The following MSI2 variants were observed in gnomAD, a reference collection of about 807,000 sequenced individuals.
MSI2 encodes the protein musashi RNA binding protein 2.
A neutral mutation model predicts 45.6 loss-of-function variants in MSI2; 17 were observed. The observed-to-expected ratio is 0.37, with a 90% CI of 0.26 to 0.56. The LOEUF (loss-of-function observed/expected upper bound fraction) is 0.56. MSI2 is among the 20% of genes least tolerant of loss of function. The pLI, the probability that MSI2 is intolerant of heterozygous loss-of-function variation, is 0.77. For synonymous variants in MSI2, 156 were observed against 158.2 expected (o/e 0.99, Z 0.11); for missense variants, 293 against 444.2 (o/e 0.66, Z 3.06).
chr17:57,506,214 C>T (rs964898275), intron 6 of MSI2, among the ~76,000 whole-genome samples: 2 of 152,222 alleles, frequency 1.3e-5, no homozygotes, highest in African/African-American at 2.4e-5. Context: ...ATCAGGGTTT[C>T]CCTGCTCCGG....
At chr17:57,515,693 C>T (rs2086457164) in intron 6 of MSI2, among the ~76,000 whole-genome samples, 1 of 152,114 alleles carries the variant, frequency 6.6e-6, no homozygotes, top group African/African-American at 2.4e-5. Context: ...TTCATGTATT[C>T]ATGTGACAGA....
chr17:57,291,399 G>A (rs555865626), intron 5 of MSI2, among the ~76,000 whole-genome samples: 1 of 152,054 alleles, frequency 6.6e-6, no homozygotes, highest in South Asian at 2.1e-4. Flanking sequence ...CAATAATACC[G>A]AGCAATAAAT....
chr17:57,279,925 G>A (rs1909265708), intron 5 of MSI2: 1 of 152,120 alleles, frequency 6.6e-6, no homozygotes, highest in South Asian at 2.1e-4. Context: ...GGGACTACAG[G>A]CGTGAGCCAC....
At chr17:57,478,569 A>G (rs148292841) in intron 6 of MSI2, among the ~76,000 whole-genome samples, 1 of 152,292 alleles carries the variant, frequency 6.6e-6, no homozygotes, top group Non-Finnish European at 1.5e-5. Context: ...TGACGTCTCC[A>G]TGTTACATCC....
At chr17:57,609,023 G>A (rs551835989) in intron 8 of MSI2, among the ~76,000 whole-genome samples, 64 of 152,298 alleles carry the variant, frequency 4.2e-4, no homozygotes, top group African/African-American at 1.5e-3. Flanking sequence ...TGGAGGCCAA[G>A]CTCACCCCTC....
intron 6 of MSI2, among the ~76,000 whole-genome samples, chr17:57,521,973 TCTTATTTCAATAAA>T (rs1417596793): frequency 2.0e-5 from 3 of 152,302 alleles, no homozygotes; most frequent in Non-Finnish European, 4.4e-5. Flanking sequence ...CACGGAAAAG[TCTTATTTCAATAAA>T]CTACACATTA....
intron 10 of MSI2, among the ~76,000 whole-genome samples, chr17:57,648,132 C>CGTGTGTGTGTGTGTGTGTGTGT (rs765039915): frequency 1.7e-5 from 2 of 116,182 alleles, no homozygotes; most frequent in Non-Finnish European, 3.6e-5. Flanking sequence ...CTGGCTAATT[C>CGTGTGTGTGTGTGTGTGTGTGT]GTGTGTGTGT....
intron 5 of MSI2, among the ~76,000 whole-genome samples, chr17:57,312,650 G>GT: frequency 6.6e-6 from 1 of 152,248 alleles, no homozygotes. Context: ...CCTGGGCTGT[G>GT]TTTTTTTACA....
chr17:57,529,779 C>A lies in MSI2; in HGVS notation c.454+55C>A. The A allele has an allele frequency of 1.4e-6, 2 of 1,435,398 alleles. No individual in the cohort carries two copies. Among genetic ancestry groups the A allele is most frequent in the Non-Finnish European group, 1.9e-6 (2 of 1,033,922 alleles). The allele number at this position is 1,435,398 out of a possible 1,614,324, so 88.9% of individuals were successfully genotyped here. ...GTTCACCCTCTCCTGGCCTCTCTGT[C>A]TGTCATCCCCAGTCCCACTGACAAA... On this transcript the variant is annotated intron_variant, in intron 7 of 13. Transcript: ENST00000284073. This position sits in a 1 kb window ranked among gnomAD's most constrained non-coding sequence, Gnocchi z 5.3.
chr17:57,685,036 C>T (rs933907242), downstream of MSI2, among the ~76,000 whole-genome samples: 11 of 152,128 alleles, frequency 7.2e-5, no homozygotes, highest in Non-Finnish European at 1.0e-4. Flanking sequence ...GGGGCCCTCC[C>T]GGGTGCTGCC....
chr17:57,664,284 C>T (rs1239643243), intron 11 of MSI2, among the ~76,000 whole-genome samples: 2 of 152,140 alleles, frequency 1.3e-5, no homozygotes, highest in Non-Finnish European at 2.9e-5. Context: ...TTTGGGAGGC[C>T]GAGGCGGCTG....
intron 5 of MSI2, among the ~76,000 whole-genome samples, chr17:57,365,914 T>G (rs1917152460): frequency 6.6e-6 from 1 of 152,076 alleles, no homozygotes; most frequent in Non-Finnish European, 1.5e-5. Context: ...ATCTTCCCAA[T>G]GTTGACTATT....
intron 6 of MSI2, among the ~76,000 whole-genome samples, chr17:57,451,388 G>C (rs538604667): frequency 3.3e-5 from 5 of 152,324 alleles, no homozygotes; most frequent in African/African-American, 1.2e-4. Context: ...GTCAGCAGAT[G>C]TTAAGTGATG....
chr17:57,452,585 G>A (rs954760227), intron 6 of MSI2, among the ~76,000 whole-genome samples: 3 of 152,220 alleles, frequency 2.0e-5, no homozygotes, highest in African/African-American at 7.2e-5. Flanking sequence ...AATGTGGACT[G>A]TATTTTCTGG....
intron 5 of MSI2, among the ~76,000 whole-genome samples, chr17:57,288,296 G>A (rs966502001): frequency 6.6e-6 from 1 of 152,244 alleles, no homozygotes; most frequent in African/African-American, 2.4e-5. Context: ...CCTGGACCCA[G>A]CTGTTGTCGC....
At position 57,683,338 on chromosome 17, in the gene MSI2, T is replaced by A. The variant is rs1391241321; in HGVS notation, c.*3821T>A. On this transcript the variant is annotated 3_prime_UTR_variant, in exon 14 of 14. Transcript: ENST00000284073. The surrounding 1 kb of genome is among the most constrained non-coding windows in gnomAD (Gnocchi z 5.2). ...TTTCTTGGGGGTGGGTTTTGCTTGT[T>A]GTTCCTTTTCATTTGGGGGTTTTTG... 1 of 230,718 alleles carries A rather than the reference T, an allele frequency of 4.3e-6. No individual in the cohort carries two copies. The highest frequency in any genetic ancestry group is 8.6e-6 in the Non-Finnish European group (1 of 116,456). The allele number at this position is 230,718 out of a possible 1,614,324, so 14.3% of individuals were successfully genotyped here. A position where few individuals can be genotyped will look rare whatever the true frequency, so the allele number is the denominator to read the frequency against.
At position 57,528,311 on chromosome 17, in the gene MSI2, G is replaced by A. The variant is rs553174875; in HGVS notation, c.406-1365G>A. ...TCATAAAAGGAGTGCATTCCAGAGCGGAATCTGGTTCATTAAGTGTGAGTT... is the reference window on the plus strand; with the variant it reads ...TCATAAAAGGAGTGCATTCCAGAGCAGAATCTGGTTCATTAAGTGTGAGTT... On this transcript the variant is annotated intron_variant, in intron 6 of 13. Coordinates refer to ENST00000284073, the MANE Select transcript of MSI2 (RefSeq NM_138962.4). Among the ~76,000 whole-genome samples, 28 of 152,264 alleles carry A rather than the reference G, an allele frequency of 1.8e-4. No individual in the cohort carries two copies. The South Asian group carries it at 2.7e-3, about 15-fold the overall frequency.
intron 5 of MSI2, chr17:57,263,346 T>C (rs1907493530): frequency 1.3e-5 from 2 of 152,256 alleles, no homozygotes; most frequent in Admixed American, 1.3e-4. Flanking sequence ...CAATGAAATA[T>C]TTTCTTCAGG....
intron 6 of MSI2, among the ~76,000 whole-genome samples, chr17:57,472,172 A>G (rs1271460405): frequency 2.0e-5 from 3 of 152,208 alleles, no homozygotes; most frequent in South Asian, 2.1e-4. Flanking sequence ...ATGGATGCCT[A>G]TGAAAGACAA....
Sources: allele counts gnomAD v4.1 joint callset (sites outside exome capture counted in the v4.1 genomes callset), GRCh38; gene constraint gnomAD v4.1.1; non-coding constraint Gnocchi (gnomAD v3.1); transcripts MANE v1.5; gene names NCBI Gene and HGNC (gene_info 2026-07-23, HGNC 2026-07-21).